Variants in JAM2 observed in about 807,000 individuals in gnomAD.
JAM2 encodes the protein junctional adhesion molecule 2, also known as junctional adhesion molecule B.
JAM2 carries 17 observed loss-of-function variants against 42.0 expected under a neutral mutation model. The observed-to-expected ratio is 0.40, with a 90% confidence interval of 0.28 to 0.61. JAM2 has a LOEUF of 0.61. Among genes scored for constraint, JAM2 ranks in the 20% least tolerant of loss-of-function variants. The pLI, the probability that JAM2 is intolerant of heterozygous loss-of-function variation, is 0.37. For missense variants in JAM2, 319 were observed against 358.3 expected (o/e 0.89, Z 0.89); for synonymous variants, 118 against 128.6 (o/e 0.92, Z 0.56).
chr21:25,665,453 T>G lies in JAM2; in HGVS notation c.68-18430T>G, dbSNP rs2033193358. 1.3e-5 allele frequency among the ~76,000 whole-genome samples: 2 copies of G among 152,184 alleles called. 1 individual carries two copies. The highest frequency in any genetic ancestry group is 2.9e-5 in the Non-Finnish European group (2 of 68,028). ...TACCACTATAATTCATTATGATGCT[T>G]GTATTAGGGTTGTCCAGACAAGTAG... On this transcript the variant is annotated intron_variant, in intron 1 of 9. Transcript: ENST00000480456.
intron 7 of JAM2, among the ~76,000 whole-genome samples, chr21:25,706,819 A>G (rs1258613860): frequency 1.3e-5 from 2 of 152,098 alleles, no homozygotes; most frequent in Non-Finnish European, 2.9e-5. Context: ...GGCTCACTGC[A>G]AGCTCCACCT....
intron 6 of JAM2, among the ~76,000 whole-genome samples, chr21:25,704,526 T>A (rs2034232902): frequency 6.6e-6 from 1 of 152,244 alleles, no homozygotes; most frequent in Non-Finnish European, 1.5e-5. Context: ...TACATTGCTT[T>A]AAAATATTTA....
Position 25,715,354 on chromosome 21 carries a change from T to C in JAM2, c.*682T>C, listed in dbSNP as rs573579101. ...TCTTCATTAAACGTAATTTAGATGG[T>C]CAAACACAAACCCAAGTGGCTTATT... On this transcript the variant is annotated 3_prime_UTR_variant, in exon 10 of 10. Coordinates refer to ENST00000480456, the MANE Select transcript of JAM2 (RefSeq NM_021219.4). The C allele has an allele frequency of 6.6e-6, 1 of 152,330 alleles. No homozygotes were observed. The highest frequency in any genetic ancestry group is 2.4e-5 in the African/African-American group (1 of 41,588). 9.4% of individuals were successfully genotyped at this position (152,330 alleles called of 1,614,324 possible).
At position 25,645,971 on chromosome 21, in the gene JAM2, A is replaced by C. The variant is rs562374597; in HGVS notation, c.67+6083A>C. On this transcript the variant is annotated intron_variant, in intron 1 of 9. Transcript: ENST00000480456. ...CATGAGTGGAGCTTGCAGGACTAGA[A>C]GTTGCTCTGAGTGAGTCAGTGAGTG... 1.5e-3 allele frequency among the ~76,000 whole-genome samples: 229 copies of C among 152,352 alleles called. 1 individual carries two copies. The highest frequency in any genetic ancestry group is 3.0e-3 in the Non-Finnish European group (204 of 68,038).
At chr21:25,652,938 C>T (rs1371531309) in intron 1 of JAM2, among the ~76,000 whole-genome samples, 1 of 152,182 alleles carries the variant, frequency 6.6e-6, no homozygotes, top group African/African-American at 2.4e-5. Flanking sequence ...TTGGTGGCTC[C>T]AGATCAGCTG....
At chr21:25,665,870 A>G (rs906839338) in intron 1 of JAM2, among the ~76,000 whole-genome samples, 1 of 152,016 alleles carries the variant, frequency 6.6e-6, no homozygotes, top group Non-Finnish European at 1.5e-5. Context: ...GCAAAATCCC[A>G]TCTCTACTAA....
intron 4 of JAM2, among the ~76,000 whole-genome samples, chr21:25,695,543 A>G (rs550826602): frequency 2.9e-3 from 435 of 151,720 alleles, no homozygotes; most frequent in Non-Finnish European, 4.8e-3. Context: ...CACTTCCCAG[A>G]CAGGGCGGCC....
At chr21:25,691,875 C>T (rs528656181) in intron 3 of JAM2, among the ~76,000 whole-genome samples, 14 of 152,130 alleles carry the variant, frequency 9.2e-5, no homozygotes, top group Admixed American at 3.3e-4. Context: ...ACTAAAAATA[C>T]GAAAATTAGC....
At chr21:25,652,215 G>A (rs1041814909) in intron 1 of JAM2, among the ~76,000 whole-genome samples, 1 of 151,808 alleles carries the variant, frequency 6.6e-6, no homozygotes, top group African/African-American at 2.4e-5. Context: ...GGAAGGCCAC[G>A]CCTCTACAAA....
intron 1 of JAM2, among the ~76,000 whole-genome samples, chr21:25,641,089 A>C (rs2032426112): frequency 6.6e-6 from 1 of 152,246 alleles, no homozygotes; most frequent in Non-Finnish European, 1.5e-5. Flanking sequence ...TCAAACCAGA[A>C]AGCCAAAGTT....
At chr21:25,693,054 G>A (rs1398831306) in intron 3 of JAM2, among the ~76,000 whole-genome samples, 3 of 152,086 alleles carry the variant, frequency 2.0e-5, no homozygotes, top group Non-Finnish European at 4.4e-5. Flanking sequence ...AGATCTGACT[G>A]CATATGGACA....
intron 1 of JAM2, among the ~76,000 whole-genome samples, chr21:25,663,989 C>A (rs879791248): frequency 5.9e-5 from 9 of 152,086 alleles, no homozygotes; most frequent in Admixed American, 5.9e-4. Flanking sequence ...ATTACTAGTT[C>A]TCTTACCACA....
chr21:25,706,076 C>T lies in JAM2; in HGVS notation c.795C>T (p.Gly265=), dbSNP rs1458125575. 3.7e-6 allele frequency: 6 copies of T among 1,606,062 alleles called. No individual in the cohort carries two copies. The highest frequency in any genetic ancestry group is 4.3e-6 in the Non-Finnish European group (5 of 1,172,736). ...GTGTATGCTATGCTCAGAGGAAAGG[C>T]TACTTTTCAAGTAAGTGAATTTCAC... ...GLGVCYAQRK[G]YFSKETSFQK... is the part of the protein sequence containing the mutation. The change falls in exon 7 of 10, where the codon GGC becomes GGT. Residue 265 remains glycine (G), a synonymous_variant. Transcript: ENST00000480456.
At chr21:25,672,711 A>T (rs1047161715) in intron 1 of JAM2, among the ~76,000 whole-genome samples, 1 of 152,170 alleles carries the variant, frequency 6.6e-6, no homozygotes, top group South Asian at 2.1e-4. Flanking sequence ...AACGCAGACC[A>T]TGTCTCATTA....
chr21:25,681,088 G>A (rs940393345), intron 1 of JAM2, among the ~76,000 whole-genome samples: 2 of 152,132 alleles, frequency 1.3e-5, no homozygotes, highest in African/African-American at 4.8e-5. Flanking sequence ...TGGAGAAATA[G>A]CATTTCAAGT....
chr21:25,692,715 G>A (rs1002069837), intron 3 of JAM2, among the ~76,000 whole-genome samples: 37 of 151,888 alleles, frequency 2.4e-4, no homozygotes, highest in African/African-American at 8.0e-4. Flanking sequence ...CTGAAAATAC[G>A]CAATTTTTAT....
intron 1 of JAM2, among the ~76,000 whole-genome samples, chr21:25,665,792 G>C (rs1183168505): frequency 6.6e-6 from 1 of 152,144 alleles, no homozygotes; most frequent in African/African-American, 2.4e-5. Flanking sequence ...TGTAATCCCA[G>C]CACTTTGGGA....
rs1346529362 is a variant in JAM2, at chr21:25,639,582, A to C, written c.-240A>C. On this transcript the variant is annotated 5_prime_UTR_variant, in exon 1 of 10. Transcript: ENST00000480456. ...CACGCCCTCTAGCCCCTACCCCCAC[A>C]CCCCCAAAACAGAACAGACCCCCAT... 17 of 381,328 alleles carry C rather than the reference A, an allele frequency of 4.5e-5. No homozygotes were observed. The highest frequency in any genetic ancestry group is 5.1e-5 in the Non-Finnish European group (11 of 216,686). The allele number at this position is 381,328 out of a possible 1,614,324, so 23.6% of individuals were successfully genotyped here.
At chr21:25,641,499 G>C (rs2032441598) in intron 1 of JAM2, among the ~76,000 whole-genome samples, 1 of 152,142 alleles carries the variant, frequency 6.6e-6, no homozygotes, top group South Asian at 2.1e-4. Context: ...GATTCCTATA[G>C]GGGATGTATT....
Sources: allele counts gnomAD v4.1 joint callset (sites outside exome capture counted in the v4.1 genomes callset), GRCh38; gene constraint gnomAD v4.1.1; transcripts MANE v1.5; gene names NCBI Gene and HGNC (gene_info 2026-07-23, HGNC 2026-07-21).